The following ADAMTSL1 variants were observed in gnomAD, a reference collection of about 807,000 sequenced individuals.
The protein encoded by ADAMTSL1 is ADAMTS like 1, also known as ADAMTS-like protein 1.
In ADAMTSL1, 126 loss-of-function variants were observed where a neutral mutation model predicts 201.8. That is an observed-to-expected ratio of 0.62 (90% CI 0.54 to 0.72). ADAMTSL1 has a LOEUF of 0.72. ADAMTSL1 is among the 30% of genes least tolerant of loss of function. ADAMTSL1 has a pLI of 0.00. For missense variants in ADAMTSL1, 2,679 were observed against 2,277.8 expected (o/e 1.18, Z -3.59); for synonymous variants, 1,121 against 903.4 (o/e 1.24, Z -4.32).
chr9:18,455,567 A>G (rs1160212024), intron 2 of ADAMTSL1, among the ~76,000 whole-genome samples: 1 of 152,030 alleles, frequency 6.6e-6, no homozygotes, highest in South Asian at 2.1e-4. Flanking sequence ...TAGGTCTCAG[A>G]GTCACCTAAA....
rs1388004888 is a variant in ADAMTSL1 at position 18,906,859 on chromosome 9, G to A, written c.5129G>A (p.Trp1710Ter). ...GCAGTGCCTGAGCACCTGTGCTCCTGGGGGCCCCGGCCTGCCAACTGGCAG... is the reference window on the plus strand; with the variant it reads ...GCAGTGCCTGAGCACCTGTGCTCCTAGGGGCCCCGGCCTGCCAACTGGCAG... The part of the protein sequence containing the change: ...NKAVPEHLCS[W>*]GPRPANWQRC... The change falls in exon 28 of 29, where the codon TGG (tryptophan) becomes TAG (stop). Residue 1710 changes from tryptophan to a stop codon, truncating the protein, a stop_gained. Transcript: ENST00000380548. LOFTEE classifies it high-confidence loss of function. 6.2e-7 allele frequency: 1 copy of A among 1,613,970 alleles called. No individual in the cohort carries two copies. The highest frequency in any genetic ancestry group is 1.7e-5 in the Admixed American group (1 of 60,028).
intron 7 of ADAMTSL1, among the ~76,000 whole-genome samples, chr9:18,656,041 A>G (rs932361919): frequency 1.3e-4 from 20 of 152,044 alleles, no homozygotes; most frequent in Middle Eastern, 3.2e-3. Flanking sequence ...TAAATGCTCT[A>G]CAGGTCAAAA....
chr9:18,828,654 G>GTATATTT (rs1554643924), intron 22 of ADAMTSL1, among the ~76,000 whole-genome samples: 17 of 7,560 alleles, frequency 2.2e-3, no homozygotes, highest in African/African-American at 9.3e-3. Context: ...TCTTTTGAAA[G>GTATATTT]TATATTTATA....
chr9:18,178,173 T>C (rs985842905), intron 2 of ADAMTSL1, among the ~76,000 whole-genome samples: 5 of 152,158 alleles, frequency 3.3e-5, no homozygotes, highest in Non-Finnish European at 7.4e-5. Flanking sequence ...GTGAGCGCAC[T>C]GTGCGCGAGC....
At chr9:18,418,491 T>C (rs182894573) in intron 2 of ADAMTSL1, among the ~76,000 whole-genome samples, 14 of 152,256 alleles carry the variant, frequency 9.2e-5, no homozygotes, top group African/African-American at 2.9e-4. Flanking sequence ...CAAAAACTAC[T>C]AGAAGTTTAA....
intron 1 of ADAMTSL1, among the ~76,000 whole-genome samples, chr9:17,972,129 A>G (rs1415880367): frequency 1.1e-4 from 16 of 151,628 alleles, no homozygotes; most frequent in Non-Finnish European, 2.9e-5. Context: ...AGAACATTTA[A>G]GTTCTATTTT....
At chr9:17,934,847 T>A (rs1826938110) in intron 1 of ADAMTSL1, among the ~76,000 whole-genome samples, 1 of 150,248 alleles carries the variant, frequency 6.7e-6, no homozygotes. Context: ...CCCATTTGCC[T>A]ATTCAAGGAT....
intron 7 of ADAMTSL1, among the ~76,000 whole-genome samples, chr9:18,640,294 C>A (rs1031624406): frequency 6.6e-6 from 1 of 152,144 alleles, no homozygotes; most frequent in African/African-American, 2.4e-5. Context: ...AAGCTACAAG[C>A]CATCCGAGGT....
At chr9:18,632,606 G>C (rs1313356342) in intron 5 of ADAMTSL1, among the ~76,000 whole-genome samples, 2 of 152,168 alleles carry the variant, frequency 1.3e-5, no homozygotes, top group Non-Finnish European at 2.9e-5. Flanking sequence ...CGTGGGGCTA[G>C]TGCTTTGTTT....
At chr9:18,283,835 C>G (rs1044031991) in intron 2 of ADAMTSL1, among the ~76,000 whole-genome samples, 4 of 147,456 alleles carry the variant, frequency 2.7e-5, no homozygotes, top group Non-Finnish European at 5.9e-5. Flanking sequence ...TGGCATGAAC[C>G]CAGGAGGCGG....
intron 1 of ADAMTSL1, among the ~76,000 whole-genome samples, chr9:17,956,932 A>C (rs534656326): frequency 6.6e-6 from 1 of 152,106 alleles, no homozygotes; most frequent in Non-Finnish European, 1.5e-5. Context: ...TTCTTTCCTC[A>C]TTAGCTTGCA....
chr9:18,556,145 A>G (rs1821097296), intron 3 of ADAMTSL1, among the ~76,000 whole-genome samples: 2 of 151,934 alleles, frequency 1.3e-5, no homozygotes, highest in African/African-American at 4.8e-5. Flanking sequence ...TTAAAGAAAG[A>G]TAGAATAGGA....
In ADAMTSL1 at chr9:18,770,763, T is replaced by G. The variant is rs1305199226; in HGVS notation, c.2379T>G (p.Leu793=). Residue 793 remains leucine (L), a synonymous_variant, in exon 17 of 29, where the codon CTT becomes CTG. Coordinates refer to ENST00000380548, the MANE Select transcript of ADAMTSL1 (RefSeq NM_001040272.6). ...AAGATGACTGTCCCAGCGAGTGGCT[T>G]CTCTCAGACTGGACAGAGGTATGTA... The part of the protein sequence containing the change: ...CKKDDCPSEW[L]LSDWTECSTS... The G allele has an allele frequency of 1.9e-6, 3 of 1,613,714 alleles. No homozygotes were observed. Among genetic ancestry groups the G allele is most frequent in the Non-Finnish European group, 2.5e-6 (3 of 1,179,866 alleles).
rs143721386 is a variant in ADAMTSL1 at position 18,345,558 on chromosome 9, A to C, written c.208-159271A>C. 5.8e-3 allele frequency among the ~76,000 whole-genome samples: 878 copies of C among 152,328 alleles called. 6 individuals carry two copies. Among genetic ancestry groups the C allele is most frequent in the African/African-American group, 0.02 (839 of 41,592 alleles). Reference sequence around the variant, plus strand: ...TTTTATAAACGGAGATACCACTACTAAAAACAGAATGCTATAAAGAGTATG... The same window carrying C: ...TTTTATAAACGGAGATACCACTACTCAAAACAGAATGCTATAAAGAGTATG... On this transcript the variant is annotated intron_variant, in intron 2 of 29. Coordinates refer to the ADAMTSL1 transcript ENST00000680146.
chr9:18,598,339 C>G (rs527642029), intron 4 of ADAMTSL1, among the ~76,000 whole-genome samples: 1 of 152,266 alleles, frequency 6.6e-6, no homozygotes, highest in South Asian at 2.1e-4. Context: ...AACACTCAAA[C>G]CTGGGTCTTC....
intron 1 of ADAMTSL1, among the ~76,000 whole-genome samples, chr9:18,064,252 G>A (rs1822593644): frequency 6.6e-6 from 1 of 152,042 alleles, no homozygotes; most frequent in Non-Finnish European, 1.5e-5. Flanking sequence ...ACCGTGGAAT[G>A]ATCAATGTAG....
At chr9:18,559,175 A>G (rs147082614) in intron 3 of ADAMTSL1, among the ~76,000 whole-genome samples, 2,686 of 152,192 alleles carry the variant, frequency 0.018, 81 homozygotes, top group African/African-American at 0.061. Context: ...TCTTGAGTTA[A>G]TTTTTGTATA....
chr9:17,976,693 GCTCTCGCTCTCT>G (rs963879045), intron 1 of ADAMTSL1, among the ~76,000 whole-genome samples: 2 of 149,098 alleles, frequency 1.3e-5, no homozygotes, highest in African/African-American at 5.0e-5. Flanking sequence ...TCTCTCTCTT[GCTCTCGCTCTCT>G]CTCTCTCCCT....
intron 2 of ADAMTSL1, among the ~76,000 whole-genome samples, chr9:18,329,146 A>G (rs1220263654): frequency 1.3e-5 from 2 of 152,130 alleles, no homozygotes; most frequent in African/African-American, 2.4e-5. Context: ...AAGAGACCAC[A>G]GAGAGCTCCT....
Sources: gnomAD v4.1 joint callset for allele counts (sites outside exome capture counted in the v4.1 genomes callset) on GRCh38, gnomAD v4.1.1 for gene constraint, MANE v1.5 for transcripts, NCBI Gene and HGNC (gene_info 2026-07-23, HGNC 2026-07-21) for gene names.